The following HSH2D variants were observed in gnomAD, a reference collection of about 807,000 sequenced individuals.
HSH2D encodes the protein hematopoietic SH2 domain-containing protein.
HSH2D carries 16 observed loss-of-function variants against 21.5 expected under a neutral mutation model. The ratio of observed to expected loss-of-function variants is 0.74; its 90% CI spans 0.50 to 1.13. The LOEUF is 1.13. Ranked by LOEUF, HSH2D falls within the 50% of genes most tolerant of loss-of-function variation. The probability of loss-of-function intolerance (pLI) is 0.00; values close to 1 mark genes in which losing one functional copy is unlikely to be tolerated. For missense variants in HSH2D, 418 were observed against 441.4 expected, an observed-to-expected ratio of 0.95 and a Z score of 0.47; for synonymous variants, 172 against 184.7, an observed-to-expected ratio of 0.93 and a Z score of 0.56.
At chr19:16,150,694 A>T (rs1043223881) in intron 2 of HSH2D, among the ~76,000 whole-genome samples, 1 of 32,204 alleles carries the variant, frequency 3.1e-5, no homozygotes. Context: ...TCAAAAAAAA[A>T]AAAAAATTAA....
chr19:16,154,678 C>T, intron 5 of HSH2D, 187 bp downstream of exon 5: 1 of 510,808 alleles, frequency 2.0e-6, no homozygotes, highest in Non-Finnish European at 3.5e-6. Context: ...GGTCCTCTTT[C>T]TGCCTGTCAC....
At chr19:16,140,489 C>T (rs968022787), upstream of HSH2D, among the ~76,000 whole-genome samples, 3 of 151,960 alleles carry the variant, frequency 2.0e-5, no homozygotes, top group Non-Finnish European at 4.4e-5. Flanking sequence ...CTTATAATCT[C>T]AGCTACTGGG....
chr19:16,142,797 G>A (rs112961006), upstream of HSH2D, among the ~76,000 whole-genome samples: 4,489 of 151,306 alleles, frequency 0.03, 93 homozygotes, highest in Non-Finnish European at 0.041. Context: ...GCGGGGGACA[G>A]AATTTCCCTC....
intron 1 of HSH2D, 103 bp downstream of exon 1, chr19:16,143,877 A>C: frequency 3.9e-6 from 1 of 258,036 alleles, no homozygotes; most frequent in Non-Finnish European, 8.4e-6. Flanking sequence ...GGCAGGAGGG[A>C]TTTTCTAGGG....
At chr19:16,144,326 G>A (rs921331445) in intron 1 of HSH2D, among the ~76,000 whole-genome samples, 2 of 151,912 alleles carry the variant, frequency 1.3e-5, no homozygotes, top group Non-Finnish European at 2.9e-5. Context: ...AGGGGGGAAC[G>A]TTGGGGACAG....
chr19:16,144,686 C>CTTTTTTTTTT lies in HSH2D; in HGVS notation c.-28+927_-28+936dup, dbSNP rs35070155. Among the ~76,000 whole-genome samples the CTTTTTTTTTT allele has an allele frequency of 8.3e-4, 71 of 85,922 alleles. 3 individuals are homozygous for CTTTTTTTTTT. The highest frequency in any genetic ancestry group is 1.3e-3 in the Non-Finnish European group (62 of 46,470). The allele number at this position is 85,922 out of a possible 152,430, so 56.4% of individuals were successfully genotyped here. A position where few individuals can be genotyped will look rare whatever the true frequency, so the allele number is the denominator to read the frequency against. On this transcript the variant is annotated intron_variant, in intron 1 of 5. Transcript: ENST00000613986. ...GGCCATCTGGGTCGAATTCTAGGCT[C>CTTTTTTTTTT]TTTTTTTTTTTTTTTTTTTTTTTTG... is the stretch of plus-strand genomic sequence containing the variant.
In HSH2D at chr19:16,148,759, G is replaced by A. The variant is rs1339372957; in HGVS notation, c.9G>A (p.Glu3=). 4 of 1,613,838 alleles carry A rather than the reference G, an allele frequency of 2.5e-6. No individual in the cohort carries two copies. The Admixed American group carries it at 5.0e-5, about 20-fold the overall frequency. MT[E]AGKLPLPLPP... ...CTCCACCCCAGGAAGCTATGACAGA[G>A]GCCGGGAAGCTGCCCCTACCGCTAC... is the stretch of plus-strand genomic sequence containing the variant. Residue 3 remains glutamate, a synonymous_variant, in exon 2 of 6, where the codon GAG becomes GAA. Coordinates refer to ENST00000613986, the MANE Select transcript of HSH2D (RefSeq NM_001382417.1).
At chr19:16,156,847 G>A (rs886159732) in intron 5 of HSH2D, among the ~76,000 whole-genome samples, 1 of 152,088 alleles carries the variant, frequency 6.6e-6, no homozygotes, top group African/African-American at 2.4e-5. Flanking sequence ...AATTAGCCAG[G>A]CGTGGTGGTG....
At chr19:16,144,750 T>C (rs2091042412) in intron 1 of HSH2D, among the ~76,000 whole-genome samples, 1 of 141,118 alleles carries the variant, frequency 7.1e-6, no homozygotes, top group Admixed American at 8.0e-5. Flanking sequence ...TGGAGTGCAG[T>C]GGCTCGATCT....
chr19:16,145,238 A>C (rs1368051758), intron 1 of HSH2D, among the ~76,000 whole-genome samples: 1 of 151,508 alleles, frequency 6.6e-6, no homozygotes, highest in Non-Finnish European at 1.5e-5. Flanking sequence ...TTTGAGATGG[A>C]GTCTTGCTCT....
chr19:16,144,477 T>A (rs1265110359), intron 1 of HSH2D, among the ~76,000 whole-genome samples: 5 of 151,948 alleles, frequency 3.3e-5, no homozygotes, highest in African/African-American at 1.2e-4. Context: ...TACCCCATGA[T>A]AGGTCACAAC....
chr19:16,147,499 GAAA>G (rs984018491), intron 1 of HSH2D, among the ~76,000 whole-genome samples: 1 of 142,194 alleles, frequency 7.0e-6, no homozygotes, highest in African/African-American at 2.8e-5. Flanking sequence ...AAAAAAAAAA[GAAA>G]AAAAACACAA....
chr19:16,143,610 G>T, upstream of HSH2D: 1 of 325,468 alleles, frequency 3.1e-6, no homozygotes, highest in Admixed American at 3.9e-5. Flanking sequence ...GGTGACTTGA[G>T]CTGTCCTTGT....
chr19:16,144,055 C>T (rs1040197997), intron 1 of HSH2D, among the ~76,000 whole-genome samples: 4 of 151,982 alleles, frequency 2.6e-5, no homozygotes, highest in Non-Finnish European at 2.9e-5. Flanking sequence ...ATGTGGGTAG[C>T]GGGGAAGTAG....
Position 16,157,633 on chromosome 19 carries a change from A to C in HSH2D, c.898A>C (p.Ile300Leu), listed in dbSNP as rs754791625. 2.5e-6 allele frequency: 4 copies of C among 1,613,774 alleles called. No individual in the cohort carries two copies. The highest frequency in any genetic ancestry group is 3.4e-6 in the Non-Finnish European group (4 of 1,179,802). ...TRKAERSVSC[I>L]EVTPGDRSWH... ...GAAGGCCGAGAGGTCGGTCAGCTGCATTGAGGTGACCCCAGGGGACAGGAG... is the reference window on the plus strand; with the variant it reads ...GAAGGCCGAGAGGTCGGTCAGCTGCCTTGAGGTGACCCCAGGGGACAGGAG... Residue 300 changes from isoleucine (I) to leucine (L), a missense_variant, in exon 6 of 6, where the codon ATT (isoleucine) becomes CTT (leucine). Ile to Leu is a conservative substitution (Grantham distance 5, BLOSUM62 2). Transcript: ENST00000613986. The surrounding 1 kb of genome is among the most constrained non-coding windows in gnomAD (Gnocchi z 4.4).
At chr19:16,148,700 G>A in intron 1 of HSH2D, 24 bp from the exon 2 acceptor site, 1 of 1,611,346 alleles carries the variant, frequency 6.2e-7, no homozygotes, top group Non-Finnish European at 8.5e-7. Flanking sequence ...CTTGATTCTT[G>A]TCTTCCCTCC....
At chr19:16,138,309 A>G (rs971767867) in intron 1 of HSH2D, among the ~76,000 whole-genome samples, 5 of 152,118 alleles carry the variant, frequency 3.3e-5, no homozygotes, top group African/African-American at 1.2e-4. Context: ...ATCATATTTC[A>G]TGGTGTGGAT....
chr19:16,152,038 T>C lies in HSH2D; in HGVS notation c.126-514T>C, dbSNP rs540039388. ...AAGAGAATCACCTGAACCCAGGAGG[T>C]TGAGGCTGCAGTAAGCCAAGGTCAC... On this transcript the variant is annotated intron_variant, in intron 2 of 5. Coordinates refer to ENST00000613986, the MANE Select transcript of HSH2D (RefSeq NM_001382417.1). 5.0e-5 allele frequency among the ~76,000 whole-genome samples: 7 copies of C among 140,878 alleles called. No homozygotes were observed. In the South Asian group the frequency reaches 1.6e-3, roughly 32 times the overall value. 92.4% of individuals were successfully genotyped at this position (140,878 alleles called of 152,430 possible).
chr19:16,143,787 A>G lies in HSH2D; in HGVS notation c.-28+13A>G, dbSNP rs35735569. The G allele has an allele frequency of 0.053, 23,484 of 443,400 alleles. 843 individuals carry two copies. Among genetic ancestry groups the G allele is most frequent in the Middle Eastern group, 0.083 (250 of 3,020 alleles). 27.5% of individuals were successfully genotyped at this position (443,400 alleles called of 1,614,324 possible). A position where few individuals can be genotyped will look rare whatever the true frequency, so the allele number is the denominator to read the frequency against. On this transcript the variant is annotated intron_variant, in intron 1 of 5. Transcript: ENST00000613986. Reference sequence around the variant, plus strand: ...AAGGGTCTCCCAGGTATGTGACCCAAGAGCCTCAGCCCTCGAGGAGACAGA... The same window carrying G: ...AAGGGTCTCCCAGGTATGTGACCCAGGAGCCTCAGCCCTCGAGGAGACAGA...
Sources: allele counts gnomAD v4.1 joint callset (sites outside exome capture counted in the v4.1 genomes callset), GRCh38; gene constraint gnomAD v4.1.1; non-coding constraint Gnocchi (gnomAD v3.1); transcripts MANE v1.5; gene names NCBI Gene and HGNC (gene_info 2026-07-23, HGNC 2026-07-21).